PLEKHA6: variants seen among roughly 807,000 people sequenced by gnomAD.
PLEKHA6 encodes the protein pleckstrin homology domain-containing family A member 6.
PLEKHA6 carries 60 observed loss-of-function variants against 116.7 expected under a neutral mutation model. The ratio of observed to expected loss-of-function variants is 0.51; its 90% confidence interval spans 0.42 to 0.64. PLEKHA6 has a LOEUF of 0.64. PLEKHA6 is among the 30% of genes least tolerant of loss of function. The probability of loss-of-function intolerance (pLI) is 0.00; values close to 1 mark genes in which losing one functional copy is unlikely to be tolerated. For synonymous variants in PLEKHA6, 489 were observed against 556.1 expected (o/e 0.88, Z 1.70); for missense variants, 1,338 against 1,422.7 (o/e 0.94, Z 0.96).
intron 9 of PLEKHA6, among the ~76,000 whole-genome samples, chr1:204,252,427 G>T (rs1403350549): frequency 6.6e-6 from 1 of 151,972 alleles, no homozygotes; most frequent in East Asian, 1.9e-4. Flanking sequence ...TCCCCCACTG[G>T]TTCCAATGGG....
At chr1:204,358,923 C>T (rs911414668) in intron 1 of PLEKHA6, among the ~76,000 whole-genome samples, 1 of 144,902 alleles carries the variant, frequency 6.9e-6, no homozygotes, top group African/African-American at 2.6e-5. Flanking sequence ...ACTTTCCTGT[C>T]TCGCCCCGCT....
At chr1:204,299,696 A>G in intron 1 of PLEKHA6, 1 of 936,486 alleles carries the variant, frequency 1.1e-6, no homozygotes, top group African/African-American at 1.8e-5. Flanking sequence ...TAAGAGGTTT[A>G]ACCTGCCCCC....
chr1:204,273,688 T>A lies in PLEKHA6; in HGVS notation c.40A>T (p.Asn14Tyr), dbSNP rs1397326380. The A allele has an allele frequency of 5.0e-6, 8 of 1,614,056 alleles. No homozygotes were observed. The highest frequency in any genetic ancestry group is 6.8e-6 in the Non-Finnish European group (8 of 1,180,044). ...ATGTTGTGGTTGGGTATGTCACTGT[T>A]GGTGGTAGCCGGGCGTTTCCCACCT... ...KTGGKRPATT[N>Y]SDIPNHNMVS... Residue 14 changes from asparagine (N) to tyrosine (Y), a missense_variant, in exon 3 of 23, where the codon AAC becomes TAC. Around this residue, in one of 3 missense-constraint regions of PLEKHA6, gnomAD observed 62 missense variants for 61.7 expected, o/e 1.01. Transcript: ENST00000272203.
At chr1:204,275,691 G>T in intron 1 of PLEKHA6, 1 of 984,836 alleles carries the variant, frequency 1.0e-6, no homozygotes, top group Non-Finnish European at 1.2e-6. Context: ...CAGACAGAGC[G>T]CAGAGGGGCT....
rs1665573991 is a variant in PLEKHA6, at chr1:204,257,906, C to G, written c.1008-37G>C. 3 of 1,564,498 alleles carry G rather than the reference C, an allele frequency of 1.9e-6. No homozygotes were observed. In the East Asian group the frequency reaches 6.8e-5, roughly 35 times the overall value. ...GGGACATTGTAATGAAGGCAGACAACACGGGCACCCCTCCACCCACCCCAG... is the reference window on the plus strand; with the variant it reads ...GGGACATTGTAATGAAGGCAGACAAGACGGGCACCCCTCCACCCACCCCAG... On this transcript the variant is annotated intron_variant, in intron 8 of 22. Transcript: ENST00000272203. The surrounding 1 kb of genome is among the most constrained non-coding windows in gnomAD (Gnocchi z 6.5).
At position 204,228,738 on chromosome 1, in the gene PLEKHA6, C is replaced by T; in HGVS notation, c.2875G>A (p.Ala959Thr). The T allele has an allele frequency of 6.2e-7, 1 of 1,614,006 alleles. No individual in the cohort carries two copies. Among genetic ancestry groups the T allele is most frequent in the Non-Finnish European group, 8.5e-7 (1 of 1,179,910 alleles). ...KKVERIKTLI[A>T]KSSMQNVVPI... ...ACCCAGGCTGGTTACCTGGATTTGGCAATGAGTGTCTTGATCCTCTCCACC... is the reference window on the plus strand; with the variant it reads ...ACCCAGGCTGGTTACCTGGATTTGGTAATGAGTGTCTTGATCCTCTCCACC... Residue 959 changes from alanine (A) to threonine (T), a missense_variant, in exon 20 of 23, where the codon GCC (alanine) becomes ACC (threonine). Ala to Thr is a moderately conservative substitution (Grantham distance 58). Around this residue, in one of 3 missense-constraint regions of PLEKHA6, gnomAD observed 1,136 missense variants for 1,163.6 expected, o/e 0.98. Coordinates refer to ENST00000272203, the MANE Select transcript of PLEKHA6 (RefSeq NM_014935.5). This position sits in a 1 kb window ranked among gnomAD's most constrained non-coding sequence, Gnocchi z 4.0.
intron 1 of PLEKHA6, among the ~76,000 whole-genome samples, chr1:204,375,563 A>G (rs1673853628): frequency 6.6e-6 from 1 of 151,906 alleles, no homozygotes; most frequent in Non-Finnish European, 1.5e-5. Flanking sequence ...GACTTTTGCA[A>G]TTGTTTCCTA....
upstream of PLEKHA6, among the ~76,000 whole-genome samples, chr1:204,363,611 G>A (rs897606526): frequency 2.6e-5 from 4 of 152,210 alleles, no homozygotes; most frequent in African/African-American, 9.7e-5. Flanking sequence ...CAGGAACGCG[G>A]AGGAGGGAGA....
chr1:204,234,090 T>C (rs530940587), intron 17 of PLEKHA6, among the ~76,000 whole-genome samples: 1 of 152,218 alleles, frequency 6.6e-6, no homozygotes, highest in East Asian at 1.9e-4. Flanking sequence ...TCTCTGCAGA[T>C]GTAATTAAGA....
chr1:204,238,343 C>T lies in PLEKHA6; in HGVS notation c.2409+3032G>A, dbSNP rs1367328729. 6.6e-6 allele frequency among the ~76,000 whole-genome samples: 1 copy of T among 152,238 alleles called. No homozygotes were observed. Among genetic ancestry groups the T allele is most frequent in the East Asian group, 1.9e-4 (1 of 5,184 alleles). On this transcript the variant is annotated intron_variant, in intron 17 of 22. Transcript: ENST00000272203. This position sits in a 1 kb window ranked among gnomAD's most constrained non-coding sequence, Gnocchi z 4.2. ...CCATAGGTGAATCACAGCAGAAGCC[C>T]CTAGGATTTTGGAGCAAGGCCCTGC...
intron 1 of PLEKHA6, among the ~76,000 whole-genome samples, chr1:204,286,794 C>T (rs1669229913): frequency 6.6e-6 from 1 of 152,066 alleles, no homozygotes; most frequent in Non-Finnish European, 1.5e-5. Context: ...GGCTGACTCT[C>T]AATATGAGGC....
chr1:204,355,458 G>A lies in PLEKHA6; in HGVS notation c.-95+4236C>T, dbSNP rs188569647. The stretch of plus-strand genomic sequence containing the variant: ...TTTTGTTTGTTTGTTTGTTTGTTTT[G>A]AGACAGAGTCTTGTTCTGTCACCCA... On this transcript the variant is annotated intron_variant, in intron 1 of 22. Coordinates refer to ENST00000272203, the MANE Select transcript of PLEKHA6 (RefSeq NM_014935.5). 3.0e-3 allele frequency among the ~76,000 whole-genome samples: 457 copies of A among 152,090 alleles called. 5 individuals are homozygous for A. The highest frequency in any genetic ancestry group is 0.01 in the African/African-American group (416 of 41,428).
intron 1 of PLEKHA6, among the ~76,000 whole-genome samples, chr1:204,279,770 C>T (rs1468619821): frequency 6.6e-6 from 1 of 152,168 alleles, no homozygotes; most frequent in Non-Finnish European, 1.5e-5. Flanking sequence ...CAAGATCCAA[C>T]CTGAGTTAGG....
intron 9 of PLEKHA6, among the ~76,000 whole-genome samples, chr1:204,253,738 G>A (rs1308867984): frequency 3.3e-5 from 5 of 151,700 alleles, no homozygotes; most frequent in Admixed American, 2.0e-4. Flanking sequence ...GGAGGCTGAG[G>A]TGGGAGGATC....
rs576859670 is a variant in PLEKHA6 at position 204,261,565 on chromosome 1, G to A, written c.382-117C>T. ...TGGGCAGTCAGTTGGGCCATTCCCT[G>A]CACCTGGGGCTCTTCCCCATGCGGA... On this transcript the variant is annotated intron_variant, in intron 6 of 22. Transcript: ENST00000272203. This position sits in a 1 kb window ranked among gnomAD's most constrained non-coding sequence, Gnocchi z 4.0. The A allele has an allele frequency of 7.2e-4, 818 of 1,139,476 alleles. 2 individuals are homozygous for A. Among genetic ancestry groups the A allele is most frequent in the Non-Finnish European group, 9.5e-4 (765 of 806,772 alleles). 70.6% of individuals were successfully genotyped at this position (1,139,476 alleles called of 1,614,324 possible). A position where few individuals can be genotyped will look rare whatever the true frequency, so the allele number is the denominator to read the frequency against.
At chr1:204,227,353 C>T (rs1384558449) in intron 21 of PLEKHA6, among the ~76,000 whole-genome samples, 1 of 152,144 alleles carries the variant, frequency 6.6e-6, no homozygotes, top group Non-Finnish European at 1.5e-5. Context: ...CTTGATTTAC[C>T]CACTGTCTCT....
chr1:204,257,898 G>T lies in PLEKHA6; in HGVS notation c.1008-29C>A. Reference sequence around the variant, plus strand: ...AGAGAGAGGGGACATTGTAATGAAGGCAGACAACACGGGCACCCCTCCACC... The same window carrying T: ...AGAGAGAGGGGACATTGTAATGAAGTCAGACAACACGGGCACCCCTCCACC... On this transcript the variant is annotated intron_variant, in intron 8 of 22. Transcript: ENST00000272203. The surrounding 1 kb of genome is among the most constrained non-coding windows in gnomAD (Gnocchi z 6.5). The T allele has an allele frequency of 6.3e-7, 1 of 1,575,958 alleles. No homozygotes were observed. The highest frequency in any genetic ancestry group is 8.6e-7 in the Non-Finnish European group (1 of 1,156,690).
chr1:204,237,018 G>A (rs1429399659), intron 17 of PLEKHA6, among the ~76,000 whole-genome samples: 1 of 152,168 alleles, frequency 6.6e-6, no homozygotes, highest in Non-Finnish European at 1.5e-5. Flanking sequence ...ACTGTGCATT[G>A]GGGAAAGGGA....
intron 2 of PLEKHA6, 180 bp downstream of exon 2, chr1:204,274,549 G>A: frequency 1.0e-6 from 1 of 959,972 alleles, no homozygotes. Flanking sequence ...AAGTGGATGA[G>A]GGTGTCAAGC....
Sources: allele counts gnomAD v4.1 joint callset (sites outside exome capture counted in the v4.1 genomes callset), GRCh38; gene constraint gnomAD v4.1.1; regional missense constraint gnomAD v4.1.1; non-coding constraint Gnocchi (gnomAD v3.1); transcripts MANE v1.5; gene names NCBI Gene and HGNC (gene_info 2026-07-23, HGNC 2026-07-21).